PLEKHH1: variants seen among roughly 807,000 people sequenced by gnomAD.
The protein encoded by PLEKHH1 is pleckstrin homology domain-containing family H member 1.
A neutral mutation model predicts 160.0 loss-of-function variants in PLEKHH1; 104 were observed. The observed-to-expected ratio is 0.65, with a 90% CI of 0.55 to 0.76. The LOEUF is 0.76. Ranked by LOEUF, PLEKHH1 falls within the 30% of genes least tolerant of loss-of-function variation. PLEKHH1 has a pLI of 0.00. For synonymous variants in PLEKHH1, 619 were observed against 678.4 expected, an observed-to-expected ratio of 0.91 and a Z score of 1.36; for missense variants, 1,427 against 1,724.1, an observed-to-expected ratio of 0.83 and a Z score of 3.05.
Position 67,582,579 on chromosome 14 carries a change from G to C in PLEKHH1, c.3426+369G>C, listed in dbSNP as rs34375253. On this transcript the variant is annotated intron_variant, in intron 24 of 28. Coordinates refer to ENST00000329153, the MANE Select transcript of PLEKHH1 (RefSeq NM_020715.3). The surrounding 1 kb of genome is among the most constrained non-coding windows in gnomAD (Gnocchi z 5.0). ...CATGCCTGTAATGTCAGCACTTTGCGAGGCCGAGGCGGGCAGATCACCTGA... is the reference window on the plus strand; with the variant it reads ...CATGCCTGTAATGTCAGCACTTTGCCAGGCCGAGGCGGGCAGATCACCTGA... Among the ~76,000 whole-genome samples, 51,621 of 151,954 alleles carry C rather than the reference G, an allele frequency of 0.34. 9,386 individuals carry two copies. The highest frequency in any genetic ancestry group is 0.39 in the Non-Finnish European group (26,305 of 67,992).
chr14:67,554,233 G>T (rs1211639827), intron 2 of PLEKHH1, among the ~76,000 whole-genome samples: 3 of 152,174 alleles, frequency 2.0e-5, no homozygotes, highest in Non-Finnish European at 4.4e-5. Flanking sequence ...GCAGGCTGGG[G>T]GGTCCTGCTC....
At chr14:67,569,041 G>T in intron 7 of PLEKHH1, 97 bp from the exon 8 acceptor site, 1 of 782,950 alleles carries the variant, frequency 1.3e-6, no homozygotes, top group East Asian at 2.6e-5. Flanking sequence ...CCACAGGTCT[G>T]CCCACCCCCA....
chr14:67,570,360 C>A, intron 9 of PLEKHH1: 3 of 899,864 alleles, frequency 3.3e-6, no homozygotes, highest in South Asian at 1.0e-4. Flanking sequence ...CTTATATTCC[C>A]GTAACGTCAC....
chr14:67,563,805 C>T (rs2034957272), intron 7 of PLEKHH1, among the ~76,000 whole-genome samples: 1 of 149,206 alleles, frequency 6.7e-6, no homozygotes, highest in Non-Finnish European at 1.5e-5. Flanking sequence ...ACGGTCTCGG[C>T]TCACTGCAAC....
At chr14:67,570,111 A>C in intron 9 of PLEKHH1, 99 bp downstream of exon 9, 1 of 870,686 alleles carries the variant, frequency 1.1e-6, no homozygotes, top group African/African-American at 1.7e-5. Context: ...AGGCTTCTGC[A>C]CATGGTGACC....
chr14:67,577,219 TA>T, intron 17 of PLEKHH1, 82 bp from the exon 18 acceptor site: 1 of 868,600 alleles, frequency 1.2e-6, no homozygotes, highest in South Asian at 1.5e-5. Flanking sequence ...ATCTTCCCCA[TA>T]AATTAAAGAT....
intron 7 of PLEKHH1, among the ~76,000 whole-genome samples, chr14:67,566,745 T>C (rs2035111129): frequency 2.7e-5 from 3 of 110,214 alleles, no homozygotes; most frequent in African/African-American, 1.1e-4. Context: ...CCAGACCCTG[T>C]CTTGAAAAAA....
Position 67,573,491 on chromosome 14 carries a change from G to A in PLEKHH1, c.1839+105G>A. On this transcript the variant is annotated intron_variant, in intron 12 of 28. Coordinates refer to ENST00000329153, the MANE Select transcript of PLEKHH1 (RefSeq NM_020715.3). This position sits in a 1 kb window ranked among gnomAD's most constrained non-coding sequence, Gnocchi z 4.8. ...GGGGAATGTGGCCCAAGGCCAGAGG[G>A]CAAAGGTCTGGCAGGTGGGGAGAGG... 4 of 798,460 alleles carry A rather than the reference G, an allele frequency of 5.0e-6. No homozygotes were observed. The highest frequency in any genetic ancestry group is 2.6e-5 in the East Asian group (1 of 37,862). The allele number at this position is 798,460 out of a possible 1,614,324, so 49.5% of individuals were successfully genotyped here.
chr14:67,581,079 T>A, intron 23 of PLEKHH1, 41 bp downstream of exon 23: 1 of 1,228,608 alleles, frequency 8.1e-7, no homozygotes, highest in Non-Finnish European at 1.2e-6. Flanking sequence ...ACACAAGGGC[T>A]GCCACTGGGT....
At chr14:67,554,178 A>G (rs1295860672) in intron 2 of PLEKHH1, among the ~76,000 whole-genome samples, 2 of 152,236 alleles carry the variant, frequency 1.3e-5, no homozygotes, top group Admixed American at 1.3e-4. Flanking sequence ...AGGTTCCCAA[A>G]TATGAACTAC....
In PLEKHH1 at chr14:67,585,931, T is replaced by C. The variant is rs1313145255; in HGVS notation, c.3787-20T>C. On this transcript the variant is annotated intron_variant, in intron 27 of 28. Coordinates refer to ENST00000329153, the MANE Select transcript of PLEKHH1 (RefSeq NM_020715.3). ...GACAGGTGGAAAGTTTCCCCACAAC[T>C]GACTGGTTCCTTTCCACAGCAAGTG... 1.9e-6 allele frequency: 3 copies of C among 1,603,202 alleles called. No individual in the cohort carries two copies. The highest frequency in any genetic ancestry group is 1.7e-5 in the Admixed American group (1 of 59,032).
In PLEKHH1 at chr14:67,578,896, C is replaced by T. The variant is rs564849303; in HGVS notation, c.2850-238C>T. Among the ~76,000 whole-genome samples, 6 of 152,328 alleles carry T rather than the reference C, an allele frequency of 3.9e-5. No individual in the cohort carries two copies. The South Asian group carries it at 1.2e-3, about 32-fold the overall frequency. ...AAGCCACACTGCTCCCAAACTGTCCCCAAGTGCTATTCTGTTGTTATGTCC... is the reference window on the plus strand; with the variant it reads ...AAGCCACACTGCTCCCAAACTGTCCTCAAGTGCTATTCTGTTGTTATGTCC... On this transcript the variant is annotated intron_variant, in intron 20 of 28. Coordinates refer to ENST00000329153, the MANE Select transcript of PLEKHH1 (RefSeq NM_020715.3). This position sits in a 1 kb window ranked among gnomAD's most constrained non-coding sequence, Gnocchi z 5.0.
At position 67,576,207 on chromosome 14, in the gene PLEKHH1, G is replaced by C. The variant is rs2035615817; in HGVS notation, c.2353-188G>C. ...ATTGCTTCACTGAGGTCATGTAATAGAATCGCAAATTTGGAAAGTTGGGTT... is the reference window on the plus strand; with the variant it reads ...ATTGCTTCACTGAGGTCATGTAATACAATCGCAAATTTGGAAAGTTGGGTT... On this transcript the variant is annotated intron_variant, in intron 16 of 28. Transcript: ENST00000329153. The surrounding 1 kb of genome is among the most constrained non-coding windows in gnomAD (Gnocchi z 4.0). Among the ~76,000 whole-genome samples the C allele has an allele frequency of 1.3e-5, 2 of 152,234 alleles. No homozygotes were observed. Among genetic ancestry groups the C allele is most frequent in the South Asian group, 2.1e-4 (1 of 4,826 alleles).
At chr14:67,546,829 C>G (rs1437687817) in intron 2 of PLEKHH1, among the ~76,000 whole-genome samples, 1 of 152,224 alleles carries the variant, frequency 6.6e-6, no homozygotes, top group Non-Finnish European at 1.5e-5. Flanking sequence ...TCACACTACA[C>G]TCCAGCCTGG....
chr14:67,572,275 G>T lies in PLEKHH1; in HGVS notation c.1726G>T (p.Gly576Trp). ...SYSTDGLGLG[G>W]ESLEKSGYLL... is the part of the protein sequence containing the mutation. ...CTCCACCGACGGGCTGGGCCTGGGC[G>T]GGGTGAGCCGGGAAACGGGCGGGGG... is the stretch of plus-strand genomic sequence containing the variant. The change falls in exon 11 of 29, where the codon GGG (glycine) becomes TGG (tryptophan). Residue 576 changes from glycine to tryptophan, a missense_variant and splice_region_variant. Gly to Trp is a radical substitution (Grantham distance 184, BLOSUM62 -2). This residue lies in a region of PLEKHH1 where 831 missense variants were observed against 929.2 expected (regional missense o/e 0.89). Coordinates refer to ENST00000329153, the MANE Select transcript of PLEKHH1 (RefSeq NM_020715.3). 6.3e-7 allele frequency: 1 copy of T among 1,593,886 alleles called. No individual in the cohort carries two copies. The highest frequency in any genetic ancestry group is 2.3e-5 in the East Asian group (1 of 44,150).
At position 67,571,781 on chromosome 14, in the gene PLEKHH1, T is replaced by C. The variant is rs2035387708; in HGVS notation, c.1464T>C (p.Phe488=). ...GRATQISNMP[F]MDESSGSDDD... is the part of the protein sequence containing the mutation. ...CTACACAGATCAGCAACATGCCCTTTATGGACGAGTCCTCTGGGTCTGACG... is the reference window on the plus strand; with the variant it reads ...CTACACAGATCAGCAACATGCCCTTCATGGACGAGTCCTCTGGGTCTGACG... Residue 488 remains phenylalanine, a synonymous_variant, in exon 10 of 29, where the codon TTT becomes TTC. Transcript: ENST00000329153. 5.6e-6 allele frequency: 9 copies of C among 1,613,920 alleles called. No homozygotes were observed. Among genetic ancestry groups the C allele is most frequent in the Non-Finnish European group, 7.6e-6 (9 of 1,179,848 alleles).
intron 1 of PLEKHH1, among the ~76,000 whole-genome samples, chr14:67,540,018 T>A (rs2033901206): frequency 6.6e-6 from 1 of 152,178 alleles, no homozygotes; most frequent in South Asian, 2.1e-4. Context: ...CTTTGCACTG[T>A]GGTAGTATCT....
chr14:67,573,339 C>T lies in PLEKHH1; in HGVS notation c.1792C>T (p.Arg598Cys), dbSNP rs775466498. 13 of 1,613,552 alleles carry T rather than the reference C, an allele frequency of 8.1e-6. No individual in the cohort carries two copies. Among genetic ancestry groups the T allele is most frequent in the South Asian group, 6.6e-5 (6 of 91,080 alleles). ...MGSQVKTWKRRWFVLRQGQIM... is the reference protein window; with the variant it reads ...MGSQVKTWKRCWFVLRQGQIM... Reference sequence around the variant, plus strand: ...GAGCCAGGTGAAGACGTGGAAGAGGCGCTGGTTTGTCCTGAGACAGGGACA... The same window carrying T: ...GAGCCAGGTGAAGACGTGGAAGAGGTGCTGGTTTGTCCTGAGACAGGGACA... The change falls in exon 12 of 29, where the codon CGC becomes TGC. Residue 598 changes from arginine to cysteine, a missense_variant. Around this residue, in one of 6 missense-constraint regions of PLEKHH1, gnomAD observed 831 missense variants for 929.2 expected, o/e 0.89. Transcript: ENST00000329153. This position sits in a 1 kb window ranked among gnomAD's most constrained non-coding sequence, Gnocchi z 4.8.
intron 2 of PLEKHH1, among the ~76,000 whole-genome samples, chr14:67,549,830 T>G (rs1435298811): frequency 6.6e-6 from 1 of 152,250 alleles, no homozygotes; most frequent in African/African-American, 2.4e-5. Flanking sequence ...ATAAGCACTT[T>G]CTGGAGCTAT....
Sources: allele counts gnomAD v4.1 joint callset (sites outside exome capture counted in the v4.1 genomes callset), GRCh38; gene constraint gnomAD v4.1.1; regional missense constraint gnomAD v4.1.1; non-coding constraint Gnocchi (gnomAD v3.1); transcripts MANE v1.5; gene names NCBI Gene and HGNC (gene_info 2026-07-23, HGNC 2026-07-21).